Variants in TACC2 observed in about 807,000 individuals in gnomAD.
The protein encoded by TACC2 is transforming acidic coiled-coil-containing protein 2.
A neutral mutation model predicts 227.3 loss-of-function variants in TACC2; 137 were observed. That is an observed-to-expected ratio of 0.60 (90% CI 0.52 to 0.69). The LOEUF (loss-of-function observed/expected upper bound fraction) is 0.69. Among genes scored for constraint, TACC2 ranks in the 30% least tolerant of loss-of-function variants. TACC2 has a pLI of 0.00. For missense variants in TACC2, 3,470 were observed against 3,694.4 expected, an observed-to-expected ratio of 0.94 and a Z score of 1.57; for synonymous variants, 1,523 against 1,487.5, an observed-to-expected ratio of 1.02 and a Z score of -0.55.
intron 3 of TACC2, among the ~76,000 whole-genome samples, chr10:122,055,214 C>T (rs1409255300): frequency 1.3e-5 from 2 of 149,648 alleles, no homozygotes; most frequent in East Asian, 2.0e-4. Flanking sequence ...AGCAAGACGC[C>T]GTCTCCCAAA....
At chr10:122,070,139 G>T (rs1360760166) in intron 3 of TACC2, among the ~76,000 whole-genome samples, 1 of 152,144 alleles carries the variant, frequency 6.6e-6, no homozygotes, top group Non-Finnish European at 1.5e-5. Flanking sequence ...TTGAGCTCAG[G>T]ACATAAGAGC....
chr10:121,991,191 TTTTA>T (rs911280393), intron 1 of TACC2, among the ~76,000 whole-genome samples: 5 of 152,194 alleles, frequency 3.3e-5, no homozygotes, highest in African/African-American at 9.7e-5. Flanking sequence ...AAGAGAGGGC[TTTTA>T]TTTATTTATT....
intron 16 of TACC2, among the ~76,000 whole-genome samples, chr10:122,233,942 A>G (rs1257628560): frequency 6.6e-6 from 1 of 151,814 alleles, no homozygotes; most frequent in Non-Finnish European, 1.5e-5. Flanking sequence ...AGCGGAGGCC[A>G]CTCTCCTGCG....
At chr10:122,160,381 T>C (rs2092745098) in intron 7 of TACC2, among the ~76,000 whole-genome samples, 2 of 152,148 alleles carry the variant, frequency 1.3e-5, no homozygotes, top group Non-Finnish European at 2.9e-5. Context: ...TGGGGTTCCC[T>C]GGATGGCTTA....
At chr10:122,198,135 C>A (rs1035946424) in intron 8 of TACC2, among the ~76,000 whole-genome samples, 1 of 152,214 alleles carries the variant, frequency 6.6e-6, no homozygotes, top group African/African-American at 2.4e-5. Context: ...CACTCACTTG[C>A]CCTACATTGG....
rs1057346414 is a variant in TACC2, at chr10:122,088,687, A to G, written c.5573+96A>G. On this transcript the variant is annotated intron_variant, in intron 5 of 22. Coordinates refer to ENST00000369005, the MANE Select transcript of TACC2 (RefSeq NM_206862.4). ...GAAAGGAGAGTAGTCCTTATACAGC[A>G]TGAGTTCCTACATAAGAAAGAAGCA... 3.9e-6 allele frequency: 6 copies of G among 1,551,590 alleles called. No homozygotes were observed. In the African/African-American group the frequency reaches 8.2e-5, roughly 21 times the overall value.
chr10:122,207,382 C>T (rs185487417), intron 8 of TACC2, among the ~76,000 whole-genome samples: 19 of 152,272 alleles, frequency 1.2e-4, no homozygotes, highest in African/African-American at 4.1e-4. Flanking sequence ...TGAGGGGCCC[C>T]GTGGAGCAGC....
intron 7 of TACC2, among the ~76,000 whole-genome samples, chr10:122,193,732 G>A (rs969512472): frequency 1.3e-5 from 2 of 152,124 alleles, no homozygotes; most frequent in African/African-American, 4.8e-5. Flanking sequence ...GCCCAACTGC[G>A]ACTGCTGCTG....
Position 122,084,648 on chromosome 10 carries a change from A to G in TACC2, c.2148A>G (p.Leu716=), listed in dbSNP as rs773464003. The G allele has an allele frequency of 2.5e-6, 4 of 1,613,816 alleles. No individual in the cohort carries two copies. The East Asian group carries it at 8.9e-5, about 36-fold the overall frequency. ...GLGRMESFLT[L]ESEKSDFPPT... ...GAAGAATGGAGTCTTTCCTGACTTT[A>G]GAATCAGAGAAATCAGATTTTCCAC... The change falls in exon 4 of 23, where the codon TTA becomes TTG. Residue 716 remains leucine, a synonymous_variant. Transcript: ENST00000369005.
At chr10:122,158,667 T>G (rs2092640709) in intron 7 of TACC2, among the ~76,000 whole-genome samples, 1 of 152,082 alleles carries the variant, frequency 6.6e-6, no homozygotes. Context: ...GATCAGCCCT[T>G]TGCAAGGAGA....
intron 7 of TACC2, among the ~76,000 whole-genome samples, chr10:122,170,583 T>C (rs942914169): frequency 9.9e-5 from 15 of 152,172 alleles, no homozygotes; most frequent in Admixed American, 2.6e-4. Context: ...ATCACAGGCG[T>C]GAGCCACTGT....
At chr10:122,132,173 C>A (rs1021511938) in intron 5 of TACC2, among the ~76,000 whole-genome samples, 7 of 152,222 alleles carry the variant, frequency 4.6e-5, no homozygotes, top group African/African-American at 1.7e-4. Flanking sequence ...TTGAGCAGCA[C>A]CAAACTCATC....
At chr10:122,009,595 A>G (rs1433221790) in intron 1 of TACC2, among the ~76,000 whole-genome samples, 1 of 152,194 alleles carries the variant, frequency 6.6e-6, no homozygotes, top group Non-Finnish European at 1.5e-5. Context: ...ATGGTACTTA[A>G]CAAAGTCTTA....
chr10:122,076,133 C>T (rs2078780587), intron 3 of TACC2, among the ~76,000 whole-genome samples: 1 of 152,030 alleles, frequency 6.6e-6, no homozygotes, highest in African/African-American at 2.4e-5. Context: ...CTGAGAAGTC[C>T]AAGGGCAAGG....
At chr10:122,027,348 T>C (rs1175737425) in intron 2 of TACC2, among the ~76,000 whole-genome samples, 2 of 152,240 alleles carry the variant, frequency 1.3e-5, no homozygotes, top group East Asian at 1.9e-4. Context: ...TTGTATATTT[T>C]GGATAAAGTG....
chr10:122,043,747 T>A (rs915152889), intron 2 of TACC2, among the ~76,000 whole-genome samples: 6 of 152,122 alleles, frequency 3.9e-5, no homozygotes, highest in Admixed American at 6.6e-5. Context: ...ACCTGGCTAA[T>A]TTTTGTACTT....
At chr10:122,008,507 G>A (rs182911940) in intron 1 of TACC2, among the ~76,000 whole-genome samples, 4 of 151,542 alleles carry the variant, frequency 2.6e-5, no homozygotes, top group Admixed American at 6.6e-5. Context: ...TGATCTGCCC[G>A]CCTTGGCCTC....
intron 3 of TACC2, chr10:122,052,049 C>T (rs534897037): frequency 2.0e-5 from 3 of 152,194 alleles, no homozygotes; most frequent in East Asian, 1.9e-4. Flanking sequence ...CCCAGACCCC[C>T]GTGTCTGTTC....
chr10:122,245,730 C>G (rs2096097218), intron 19 of TACC2, among the ~76,000 whole-genome samples: 1 of 152,090 alleles, frequency 6.6e-6, no homozygotes, highest in South Asian at 2.1e-4. Flanking sequence ...CAATGAGGCT[C>G]TTAATAATGG....
Sources: allele counts gnomAD v4.1 joint callset (sites outside exome capture counted in the v4.1 genomes callset), GRCh38; gene constraint gnomAD v4.1.1; transcripts MANE v1.5; gene names NCBI Gene and HGNC (gene_info 2026-07-23, HGNC 2026-07-21).